The following STXBP5L variants were observed in gnomAD, a reference collection of about 807,000 sequenced individuals.
STXBP5L encodes the protein syntaxin binding protein 5L.
In STXBP5L, 65 loss-of-function variants were observed where a neutral mutation model predicts 144.5. The ratio of observed to expected loss-of-function variants is 0.45; its 90% CI spans 0.37 to 0.55. The LOEUF (loss-of-function observed/expected upper bound fraction) is 0.55. Ranked by LOEUF, STXBP5L falls within the 20% of genes least tolerant of loss-of-function variation. The pLI, the probability that STXBP5L is intolerant of heterozygous loss-of-function variation, is 0.00. For missense variants in STXBP5L, 1,298 were observed against 1,405.5 expected (o/e 0.92, Z 1.22); for synonymous variants, 505 against 469.6 (o/e 1.08, Z -0.97).
intron 5 of STXBP5L, among the ~76,000 whole-genome samples, chr3:121,105,015 T>G (rs560898577): frequency 9.9e-5 from 15 of 151,968 alleles, no homozygotes; most frequent in Non-Finnish European, 1.9e-4. Context: ...GAATTTACAA[T>G]AAACTCAAAC....
At chr3:120,926,480 C>T (rs1336701070) in intron 2 of STXBP5L, among the ~76,000 whole-genome samples, 1 of 151,570 alleles carries the variant, frequency 6.6e-6, no homozygotes, top group Non-Finnish European at 1.5e-5. Flanking sequence ...TTAGGATCCT[C>T]TCTCTGTCTT....
chr3:121,395,760 G>T (rs1372421366), intron 22 of STXBP5L, among the ~76,000 whole-genome samples: 1 of 152,218 alleles, frequency 6.6e-6, no homozygotes, highest in Non-Finnish European at 1.5e-5. Context: ...ATTACTCATT[G>T]TGAGTGGTTG....
chr3:121,199,173 A>G (rs908712530), intron 9 of STXBP5L, among the ~76,000 whole-genome samples: 5 of 151,946 alleles, frequency 3.3e-5, no homozygotes, highest in Admixed American at 6.6e-5. Context: ...GTGGTTTGTC[A>G]TTCTCCTTGA....
At chr3:121,190,244 G>A (rs1430449361) in intron 9 of STXBP5L, among the ~76,000 whole-genome samples, 1 of 152,056 alleles carries the variant, frequency 6.6e-6, no homozygotes, top group Non-Finnish European at 1.5e-5. Flanking sequence ...TAGGGATTAG[G>A]GAGTGGTGAT....
At chr3:121,381,187 G>T (rs916963890) in intron 21 of STXBP5L, 106 bp from the exon 22 acceptor site, 5 of 1,172,140 alleles carry the variant, frequency 4.3e-6, no homozygotes. Context: ...AACAAACAAT[G>T]AAATTTTACT....
In STXBP5L at chr3:121,408,724, GT is replaced by G. The variant is rs1291554746; in HGVS notation, c.2948+1122del. ...CAGGTAATTAACCTTCTCTAGCCATGTGTTAGGACATACACAGGGAGGGAGA... is the reference window on the plus strand; with the variant it reads ...CAGGTAATTAACCTTCTCTAGCCATGGTTAGGACATACACAGGGAGGGAGA... On this transcript the variant is annotated intron_variant, in intron 23 of 26. Coordinates refer to ENST00000471454, the MANE Select transcript of STXBP5L (RefSeq NM_001308330.2). 2.0e-5 allele frequency among the ~76,000 whole-genome samples: 3 copies of G among 152,090 alleles called. No individual in the cohort carries two copies. The East Asian group carries it at 5.8e-4, about 29-fold the overall frequency.
intron 4 of STXBP5L, among the ~76,000 whole-genome samples, chr3:121,043,031 G>C (rs1037185374): frequency 2.0e-5 from 3 of 151,510 alleles, no homozygotes; most frequent in Admixed American, 1.3e-4. Flanking sequence ...ATTTGTACTG[G>C]GTCTGATCCT....
intron 9 of STXBP5L, among the ~76,000 whole-genome samples, chr3:121,167,221 A>T (rs996918625): frequency 1.3e-5 from 2 of 152,214 alleles, no homozygotes; most frequent in African/African-American, 4.8e-5. Context: ...ATAAAACTGT[A>T]CTTTGCCAAA....
intron 3 of STXBP5L, among the ~76,000 whole-genome samples, chr3:120,956,506 C>A (rs552555276): frequency 6.6e-6 from 1 of 151,980 alleles, no homozygotes; most frequent in South Asian, 2.1e-4. Flanking sequence ...TATGTGAGAA[C>A]TTCCTTCCTT....
chr3:121,294,250 G>A (rs1416794967), intron 19 of STXBP5L, among the ~76,000 whole-genome samples: 1 of 152,136 alleles, frequency 6.6e-6, no homozygotes, highest in East Asian at 1.9e-4. Context: ...GGATAGATTC[G>A]GAAATCATTA....
chr3:121,008,703 T>C (rs1318063877), intron 3 of STXBP5L, among the ~76,000 whole-genome samples: 1 of 152,034 alleles, frequency 6.6e-6, no homozygotes, highest in Non-Finnish European at 1.5e-5. Context: ...ATAGTACTAC[T>C]AGTATATTCA....
intron 20 of STXBP5L, among the ~76,000 whole-genome samples, chr3:121,360,432 C>A (rs776004653): frequency 8.9e-4 from 135 of 151,916 alleles, no homozygotes; most frequent in Non-Finnish European, 1.6e-3. Context: ...TTACTCCTGG[C>A]ATTTTGTTAT....
At chr3:121,007,354 T>G (rs906047888) in intron 3 of STXBP5L, among the ~76,000 whole-genome samples, 2 of 152,036 alleles carry the variant, frequency 1.3e-5, no homozygotes, top group South Asian at 2.1e-4. Context: ...TTTATGATAA[T>G]AGTTTTGGCT....
chr3:121,032,422 C>A (rs1375365231), intron 3 of STXBP5L, among the ~76,000 whole-genome samples: 1 of 152,058 alleles, frequency 6.6e-6, no homozygotes, highest in Non-Finnish European at 1.5e-5. Flanking sequence ...TATTCGTGAC[C>A]TTATTAGCCA....
Position 121,154,645 on chromosome 3 carries a change from T to A in STXBP5L, c.753+2085T>A, listed in dbSNP as rs2046052116. Among the ~76,000 whole-genome samples, 5 of 151,730 alleles carry A rather than the reference T, an allele frequency of 3.3e-5. No homozygotes were observed. The South Asian group carries it at 1.0e-3, about 31-fold the overall frequency. ...TTCTAGTGTTTATATTATCTCTTAT[T>A]TCAAATATTACCTTTATGCTAAAAA... On this transcript the variant is annotated intron_variant, in intron 8 of 26. Coordinates refer to ENST00000471454, the MANE Select transcript of STXBP5L (RefSeq NM_001308330.2).
At chr3:121,042,008 G>A (rs9830057) in intron 4 of STXBP5L, among the ~76,000 whole-genome samples, 15,110 of 151,950 alleles carry the variant, frequency 0.099, 1,185 homozygotes, top group Admixed American at 0.2. Context: ...TTACTATATA[G>A]CATAATTTAG....
chr3:121,044,051 A>C (rs1186145859), intron 4 of STXBP5L, among the ~76,000 whole-genome samples: 1 of 152,198 alleles, frequency 6.6e-6, no homozygotes, highest in Non-Finnish European at 1.5e-5. Flanking sequence ...CAAATAAAAC[A>C]GGCAAACAAA....
chr3:120,987,594 G>A (rs1470700956), intron 3 of STXBP5L, among the ~76,000 whole-genome samples: 1 of 151,688 alleles, frequency 6.6e-6, no homozygotes, highest in Non-Finnish European at 1.5e-5. Context: ...ACTTGACAGG[G>A]TTCTTCACAG....
Position 121,148,265 on chromosome 3 carries a change from A to G in STXBP5L, c.670-4212A>G, listed in dbSNP as rs543166125. On this transcript the variant is annotated intron_variant, in intron 7 of 26. Coordinates refer to ENST00000471454, the MANE Select transcript of STXBP5L (RefSeq NM_001308330.2). Reference sequence around the variant, plus strand: ...TGATGCATCTCTGGCAAGTCTGATCAAGAATGAAAGAGAAGGCACAAAAAA... The same window carrying G: ...TGATGCATCTCTGGCAAGTCTGATCGAGAATGAAAGAGAAGGCACAAAAAA... Among the ~76,000 whole-genome samples, 6 of 152,272 alleles carry G rather than the reference A, an allele frequency of 3.9e-5. No individual in the cohort carries two copies. The South Asian group carries it at 1.2e-3, about 32-fold the overall frequency.
Sources: gnomAD v4.1 joint callset for allele counts (sites outside exome capture counted in the v4.1 genomes callset) on GRCh38, gnomAD v4.1.1 for gene constraint, MANE v1.5 for transcripts, NCBI Gene and HGNC (gene_info 2026-07-23, HGNC 2026-07-21) for gene names.